GRIK4: variants seen among roughly 807,000 people sequenced by gnomAD.
GRIK4 encodes glutamate ionotropic receptor kainate type subunit 4, also known as glutamate receptor ionotropic, kainate 4.
GRIK4 carries 40 observed loss-of-function variants against 104.9 expected under a neutral mutation model. The ratio of observed to expected loss-of-function variants is 0.38; its 90% CI spans 0.30 to 0.50. The LOEUF (loss-of-function observed/expected upper bound fraction) is 0.50, where lower values mean the gene tolerates loss of function less well. Among genes scored for constraint, GRIK4 ranks in the 20% least tolerant of loss-of-function variants. The pLI, the probability that GRIK4 is intolerant of heterozygous loss-of-function variation, is 0.93. For missense variants in GRIK4, 1,047 were observed against 1,308.1 expected (o/e 0.80, Z 3.08); for synonymous variants, 485 against 524.9 (o/e 0.92, Z 1.04).
chr11:120,738,907 T>G (rs1951275327), intron 3 of GRIK4, among the ~76,000 whole-genome samples: 1 of 152,224 alleles, frequency 6.6e-6, no homozygotes, highest in African/African-American at 2.4e-5. Context: ...CCAGAGCTTT[T>G]GGAGACGCAG....
intron 1 of GRIK4, among the ~76,000 whole-genome samples, chr11:120,538,851 T>C (rs944211115): frequency 2.0e-5 from 3 of 152,196 alleles, no homozygotes; most frequent in African/African-American, 7.2e-5. Flanking sequence ...TCTAACTGTA[T>C]TTCAGGAATG....
intron 7 of GRIK4, 23 bp downstream of exon 7, chr11:120,832,053 C>T (rs761746505): frequency 6.4e-7 from 1 of 1,563,862 alleles, no homozygotes; most frequent in Non-Finnish European, 8.7e-7. Flanking sequence ...CTCTCTCCCC[C>T]ACCCCCTGCT....
At chr11:120,551,491 T>C (rs1159586826) in intron 1 of GRIK4, among the ~76,000 whole-genome samples, 1 of 152,122 alleles carries the variant, frequency 6.6e-6, no homozygotes, top group Non-Finnish European at 1.5e-5. Flanking sequence ...AATTTTTACA[T>C]GGTTGTTGGC....
At chr11:120,647,738 T>G (rs1949562348) in intron 1 of GRIK4, among the ~76,000 whole-genome samples, 1 of 152,258 alleles carries the variant, frequency 6.6e-6, no homozygotes. Flanking sequence ...TGTTCCTTGT[T>G]TTGTGACAGA....
intron 3 of GRIK4, among the ~76,000 whole-genome samples, chr11:120,726,195 T>C (rs1008734863): frequency 6.6e-6 from 1 of 152,134 alleles, no homozygotes; most frequent in Non-Finnish European, 1.5e-5. Context: ...GAGAGAGTGG[T>C]GGAAATCAGA....
chr11:120,591,438 G>A (rs978832308), intron 1 of GRIK4, among the ~76,000 whole-genome samples: 2 of 152,064 alleles, frequency 1.3e-5, no homozygotes, highest in African/African-American at 2.4e-5. Flanking sequence ...CTGCCTTCTC[G>A]ATCCAACTCC....
chr11:120,802,337 C>T (rs1016130004), intron 3 of GRIK4, among the ~76,000 whole-genome samples: 5 of 152,132 alleles, frequency 3.3e-5, no homozygotes, highest in Admixed American at 6.5e-5. Flanking sequence ...AGCCACTACC[C>T]GCCTCACTTT....
chr11:120,796,696 T>G (rs938391864), intron 3 of GRIK4, among the ~76,000 whole-genome samples: 1 of 151,868 alleles, frequency 6.6e-6, no homozygotes, highest in Non-Finnish European at 1.5e-5. Context: ...TGTCACCTTG[T>G]TGGGGGTGGA....
chr11:120,957,717 C>G (rs1320993260), intron 16 of GRIK4, among the ~76,000 whole-genome samples: 1 of 151,628 alleles, frequency 6.6e-6, no homozygotes, highest in East Asian at 1.9e-4. Flanking sequence ...ACAGGACTTA[C>G]GACCTTGGTT....
chr11:120,708,490 G>A (rs1950666839), intron 3 of GRIK4, among the ~76,000 whole-genome samples: 1 of 149,994 alleles, frequency 6.7e-6, no homozygotes, highest in Admixed American at 6.6e-5. Flanking sequence ...CTGAGTGTGG[G>A]GCTCGGAGGT....
intron 1 of GRIK4, among the ~76,000 whole-genome samples, chr11:120,534,023 C>T (rs1947947403): frequency 6.6e-6 from 1 of 152,150 alleles, no homozygotes; most frequent in African/African-American, 2.4e-5. Context: ...GATGGTGGCC[C>T]TGACACAGGC....
intron 14 of GRIK4, among the ~76,000 whole-genome samples, chr11:120,942,643 G>T (rs1378661823): frequency 6.6e-6 from 1 of 152,148 alleles, no homozygotes; most frequent in African/African-American, 2.4e-5. Context: ...TGGCCAGAAA[G>T]AAACCACAAT....
intron 4 of GRIK4, among the ~76,000 whole-genome samples, chr11:120,810,245 C>T (rs1952803157): frequency 6.6e-6 from 1 of 152,230 alleles, no homozygotes; most frequent in Non-Finnish European, 1.5e-5. Context: ...TGATGAAAAA[C>T]ATCAAGTTTC....
intron 18 of GRIK4, among the ~76,000 whole-genome samples, chr11:120,966,101 C>G (rs1944378897): frequency 6.6e-6 from 1 of 152,090 alleles, no homozygotes; most frequent in Non-Finnish European, 1.5e-5. Context: ...ACCAAAGCTC[C>G]TTGACAAAAT....
At position 120,873,935 on chromosome 11, in the gene GRIK4, A is replaced by C; in HGVS notation, c.907-131A>C. ...ACAGGACGTGGGCCAAGGGTGATGAAGATGCACTCTTATTTCCCTTTCTTT... is the reference window on the plus strand; with the variant it reads ...ACAGGACGTGGGCCAAGGGTGATGACGATGCACTCTTATTTCCCTTTCTTT... On this transcript the variant is annotated intron_variant, in intron 9 of 20. Transcript: ENST00000527524. 9.1e-6 allele frequency: 7 copies of C among 773,234 alleles called. No homozygotes were observed. In the Admixed American group the frequency reaches 1.8e-4, roughly 20 times the overall value. 47.9% of individuals were successfully genotyped at this position (773,234 alleles called of 1,614,324 possible).
At chr11:120,580,607 C>T (rs1483025123) in intron 1 of GRIK4, among the ~76,000 whole-genome samples, 1 of 150,992 alleles carries the variant, frequency 6.6e-6, no homozygotes, top group Non-Finnish European at 1.5e-5. Flanking sequence ...TTTGCTCTGT[C>T]ATCCAGGCTG....
intron 3 of GRIK4, among the ~76,000 whole-genome samples, chr11:120,681,407 G>A (rs1052165150): frequency 8.5e-5 from 13 of 152,122 alleles, no homozygotes; most frequent in Non-Finnish European, 1.9e-4. Context: ...GTTCCTGTGC[G>A]GTTCCTCTCT....
At chr11:120,830,160 A>C in intron 6 of GRIK4, among the ~76,000 whole-genome samples, 1 of 148,404 alleles carries the variant, frequency 6.7e-6, no homozygotes, top group Admixed American at 6.7e-5. Flanking sequence ...TTGGGCTCCA[A>C]CTCCACTACC....
At chr11:120,867,214 C>T (rs1954445313) in intron 9 of GRIK4, among the ~76,000 whole-genome samples, 1 of 152,192 alleles carries the variant, frequency 6.6e-6, no homozygotes, top group Admixed American at 6.5e-5. Flanking sequence ...ACACACCTCT[C>T]TCAAGGCTTC....
Sources: allele counts gnomAD v4.1 joint callset (sites outside exome capture counted in the v4.1 genomes callset), GRCh38; gene constraint gnomAD v4.1.1; transcripts MANE v1.5; gene names NCBI Gene and HGNC (gene_info 2026-07-23, HGNC 2026-07-21).